Variants in MASP1 observed in about 807,000 individuals in gnomAD.
The protein encoded by MASP1 is MBL associated serine protease 1, also known as mannan-binding lectin serine protease 1.
MASP1 carries 59 observed loss-of-function variants against 77.1 expected under a neutral mutation model. The ratio of observed to expected loss-of-function variants is 0.77; its 90% CI spans 0.62 to 0.95. MASP1 has a LOEUF of 0.95. Ranked by LOEUF, MASP1 falls within the 40% of genes least tolerant of loss-of-function variation. The pLI is 0.00. For synonymous variants in MASP1, 362 were observed against 354.5 expected, an observed-to-expected ratio of 1.02 and a Z score of -0.24; for missense variants, 885 against 912.9, an observed-to-expected ratio of 0.97 and a Z score of 0.39.
In MASP1 at chr3:187,236,122, G is replaced by C. The variant is rs887783170; in HGVS notation, c.1749C>G (p.Ala583=). 3.7e-6 allele frequency: 6 copies of C among 1,613,980 alleles called. No individual in the cohort carries two copies. The highest frequency in any genetic ancestry group is 2.2e-5 in the South Asian group (2 of 91,090). Reference sequence around the variant, plus strand: ...CGGCCACCAGGCCCAGCATGTGGGGGGCCGGGCCTTCAGGCTCAAGCCTTG... The same window carrying C: ...CGGCCACCAGGCCCAGCATGTGGGGCGCCGGGCCTTCAGGCTCAAGCCTTG... ...CLPRLEPEGP[A]PHMLGLVAGW... is the part of the protein sequence containing the mutation. The change falls in exon 11 of 11, where the codon GCC becomes GCG. Residue 583 remains alanine, a synonymous_variant. Transcript: ENST00000296280.
chr3:187,286,144 A>G, intron 1 of MASP1, 88 bp from the exon 2 acceptor site: 1 of 1,058,072 alleles, frequency 9.5e-7, no homozygotes, highest in Non-Finnish European at 1.4e-6. Context: ...ACAAGATCTC[A>G]GCATGTCTCT....
chr3:187,251,412 TAAAAA>T, intron 7 of MASP1: 2 of 456,510 alleles, frequency 4.4e-6, no homozygotes, highest in East Asian at 4.1e-5. Context: ...ATGCTCTGAT[TAAAAA>T]AAAAAAAAAA....
chr3:187,236,351 G>A lies in MASP1; in HGVS notation c.1520C>T (p.Thr507Met), dbSNP rs200778904. The A allele has an allele frequency of 2.9e-4, 472 of 1,614,262 alleles. 2 individuals are homozygous for A. The highest frequency in any genetic ancestry group is 4.7e-4 in the Admixed American group (28 of 60,034). Reference protein sequence around the residue: ...HVLRSQRRDTTVIPVSKEHVT... With the variant: ...HVLRSQRRDTMVIPVSKEHVT... ...ATGCTCCTTGGAGACTGGTATCACC[G>A]TGGTGTCTCTACGCTGGGAGCGCAG... The change falls in exon 11 of 11, where the codon ACG (threonine) becomes ATG (methionine). Residue 507 changes from threonine (T) to methionine (M), a missense_variant. Transcript: ENST00000296280.
Position 187,234,580 on chromosome 3 carries a change from CCTTTGA to C in MASP1, c.*1098_*1103del, listed in dbSNP as rs1292947438. 1 of 1,287,252 alleles carries C rather than the reference CCTTTGA, an allele frequency of 7.8e-7. No individual in the cohort carries two copies. Among genetic ancestry groups the C allele is most frequent in the East Asian group, 5.5e-5 (1 of 18,022 alleles). The allele number at this position is 1,287,252 out of a possible 1,614,324, so 79.7% of individuals were successfully genotyped here. On this transcript the variant is annotated 3_prime_UTR_variant, in exon 11 of 11. Transcript: ENST00000296280. The stretch of plus-strand genomic sequence containing the variant: ...GCCTGCCATGGGTGAGCCTCTGATT[CCTTTGA>C]CTCTGAAAAATGAAGGAGTGGGTCC...
intron 10 of MASP1, among the ~76,000 whole-genome samples, chr3:187,240,290 C>T (rs939577312): frequency 2.0e-5 from 3 of 151,994 alleles, no homozygotes; most frequent in South Asian, 2.1e-4. Flanking sequence ...TAATATAATA[C>T]ACTATGTCAG....
chr3:187,246,159 CCTT>C (rs1004571709), intron 8 of MASP1, among the ~76,000 whole-genome samples: 13 of 152,358 alleles, frequency 8.5e-5, no homozygotes, highest in African/African-American at 2.9e-4. Flanking sequence ...ATGAAACACT[CCTT>C]CTTCTTGAAA....
chr3:187,260,773 T>C lies in MASP1; in HGVS notation c.515A>G (p.Tyr172Cys). 1.2e-6 allele frequency: 2 copies of C among 1,614,210 alleles called. No homozygotes were observed. Among genetic ancestry groups the C allele is most frequent in the Admixed American group, 3.3e-5 (2 of 60,026 alleles). Residue 172 changes from tyrosine to cysteine, a missense_variant, in exon 4 of 11, where the codon TAC becomes TGC. By Grantham distance (194) the Tyr-to-Cys change is radical. Transcript: ENST00000296280. ...GGYYCSCRFG[Y>C]ILHTDNRTCR... is the part of the protein sequence containing the mutation. ...GGTCCTGTTGTCTGTGTGGAGGATG[T>C]AGCCGAAGCGGCAGGAGCAGTAGTA...
chr3:187,247,228 G>T, intron 8 of MASP1: 1 of 1,601,130 alleles, frequency 6.2e-7, no homozygotes, highest in Non-Finnish European at 8.5e-7. Context: ...ACATGGAAAG[G>T]GGCACGGGGG....
exon 16 of MASP1, chr3:187,218,696 G>A (rs940813601): frequency 6.6e-6 from 1 of 152,278 alleles, no homozygotes; most frequent in African/African-American, 2.4e-5. Flanking sequence ...AGTCCCCCAG[G>A]GAAGATCAAT....
In MASP1 at chr3:187,234,318, A is replaced by G. The variant is rs1712954101; in HGVS notation, c.*1366T>C. On this transcript the variant is annotated 3_prime_UTR_variant, in exon 11 of 11. Transcript: ENST00000296280. ...CTGCCTTGCTCTGATGGAGATTTTCAGGAGAGAGAGCTCCAGGGAGAAGGA... is the reference window on the plus strand; with the variant it reads ...CTGCCTTGCTCTGATGGAGATTTTCGGGAGAGAGAGCTCCAGGGAGAAGGA... 1.6e-6 allele frequency: 2 copies of G among 1,287,072 alleles called. No individual in the cohort carries two copies. The highest frequency in any genetic ancestry group is 2.0e-6 in the Non-Finnish European group (2 of 988,698). The allele number at this position is 1,287,072 out of a possible 1,614,324, so 79.7% of individuals were successfully genotyped here. A position where few individuals can be genotyped will look rare whatever the true frequency, so the allele number is the denominator to read the frequency against.
At position 187,286,058 on chromosome 3, in the gene MASP1, T is replaced by G. The variant is rs1157083832; in HGVS notation, c.6-2A>C. 6.2e-7 allele frequency: 1 copy of G among 1,609,926 alleles called. No homozygotes were observed. Among genetic ancestry groups the G allele is most frequent in the African/African-American group, 1.3e-5 (1 of 74,988 alleles). ...AGAGCATAATAGAGAAGCAGCCACC[T>G]GAAAGACATGAATGTAGGTCTACTT... On this transcript the variant is annotated splice_acceptor_variant, in intron 1 of 10. Transcript: ENST00000296280. LOFTEE classifies it high-confidence loss of function.
At chr3:187,289,614 G>A (rs1364378602) in intron 1 of MASP1, among the ~76,000 whole-genome samples, 1 of 152,202 alleles carries the variant, frequency 6.6e-6, no homozygotes, top group African/African-American at 2.4e-5. Context: ...GGAGGTTCTG[G>A]TTTAATTGCT....
chr3:187,260,014 T>G (rs1358621757), intron 4 of MASP1, among the ~76,000 whole-genome samples: 1 of 152,220 alleles, frequency 6.6e-6, no homozygotes, highest in Non-Finnish European at 1.5e-5. Flanking sequence ...CTCTGGGAAG[T>G]GTTTGCCTGC....
At chr3:187,251,508 T>A in intron 7 of MASP1, 126 bp downstream of exon 7, 1 of 798,804 alleles carries the variant, frequency 1.3e-6, no homozygotes, top group Non-Finnish European at 2.2e-6. Flanking sequence ...GAGAAGTTGA[T>A]GGGCAGCTAG....
At position 187,285,986 on chromosome 3, in the gene MASP1, T is replaced by C. The variant is rs749371788; in HGVS notation, c.76A>G (p.Asn26Asp). 6.2e-6 allele frequency: 10 copies of C among 1,614,054 alleles called. No individual in the cohort carries two copies. Among genetic ancestry groups the C allele is most frequent in the Non-Finnish European group, 6.8e-6 (8 of 1,180,028 alleles). The stretch of plus-strand genomic sequence containing the variant: ...GGCGACTGGATCTGGCCAAACATAT[T>C]GTTTAGCTCCACGGTGTGGGCTGAA... ...KASAHTVELN[N>D]MFGQIQSPGY... is the part of the protein sequence containing the mutation. The change falls in exon 2 of 11, where the codon AAT becomes GAT. Residue 26 changes from asparagine to aspartate, a missense_variant. Asn to Asp is a conservative substitution (Grantham distance 23, BLOSUM62 1). Coordinates refer to ENST00000296280, the MANE Select transcript of MASP1 (RefSeq NM_139125.4).
At chr3:187,267,137 T>C (rs2108573795) in intron 2 of MASP1, among the ~76,000 whole-genome samples, 1 of 152,306 alleles carries the variant, frequency 6.6e-6, no homozygotes, top group African/African-American at 2.4e-5. Context: ...GAGTGGTGAA[T>C]GAATCTCATG....
At chr3:187,238,144 A>G (rs372224259) in intron 10 of MASP1, among the ~76,000 whole-genome samples, 42 of 152,346 alleles carry the variant, frequency 2.8e-4, no homozygotes, top group Middle Eastern at 3.4e-3. Flanking sequence ...GGTAAGGGAC[A>G]CGTCTATGGC....
Position 187,234,152 on chromosome 3 carries a change from CA to C in MASP1, c.*1531del, listed in dbSNP as rs1353386041. On this transcript the variant is annotated 3_prime_UTR_variant, in exon 11 of 11. Coordinates refer to ENST00000296280, the MANE Select transcript of MASP1 (RefSeq NM_139125.4). Reference sequence around the variant, plus strand: ...GGAGCAACAATGCAGAGGCCCTTTACAGAATGGTGAAGCATATGATATAAAA... The same window carrying C: ...GGAGCAACAATGCAGAGGCCCTTTACGAATGGTGAAGCATATGATATAAAA... The C allele has an allele frequency of 7.8e-6, 10 of 1,287,102 alleles. No homozygotes were observed. Among genetic ancestry groups the C allele is most frequent in the Non-Finnish European group, 9.1e-6 (9 of 988,692 alleles). 79.7% of individuals were successfully genotyped at this position (1,287,102 alleles called of 1,614,324 possible).
intron 13 of MASP1, among the ~76,000 whole-genome samples, chr3:187,224,962 C>T (rs1712324353): frequency 6.6e-6 from 1 of 152,196 alleles, no homozygotes; most frequent in African/African-American, 2.4e-5. Context: ...CAGGTTCTTA[C>T]CTTTGTTTCC....
Sources: allele counts gnomAD v4.1 joint callset (sites outside exome capture counted in the v4.1 genomes callset), GRCh38; gene constraint gnomAD v4.1.1; transcripts MANE v1.5; gene names NCBI Gene and HGNC (gene_info 2026-07-23, HGNC 2026-07-21).